Variants in MNAT1 observed in about 807,000 individuals in gnomAD.
MNAT1 encodes the protein CDK-activating kinase assembly factor MAT1.
MNAT1 carries 43 observed loss-of-function variants against 42.0 expected under a neutral mutation model. The ratio of observed to expected loss-of-function variants is 1.02; its 90% CI spans 0.80 to 1.32. The LOEUF is 1.32. MNAT1 is among the 40% of genes most tolerant of loss of function. The pLI is 0.00. For missense variants in MNAT1, 306 were observed against 350.4 expected (o/e 0.87, Z 1.01); for synonymous variants, 118 against 120.0 (o/e 0.98, Z 0.11).
chr14:60,764,587 G>A (rs980645121), intron 1 of MNAT1, among the ~76,000 whole-genome samples: 1 of 152,286 alleles, frequency 6.6e-6, no homozygotes, highest in Admixed American at 6.5e-5. Flanking sequence ...GATTTAGATG[G>A]TAAATTGAGA....
intron 7 of MNAT1, among the ~76,000 whole-genome samples, chr14:60,899,654 A>G (rs1038328238): frequency 1.3e-5 from 2 of 152,214 alleles, no homozygotes; most frequent in Admixed American, 6.5e-5. Context: ...CTTGCTGAGC[A>G]AAAGTAATTG....
intron 6 of MNAT1, among the ~76,000 whole-genome samples, chr14:60,859,168 G>A (rs1594809361): frequency 6.6e-6 from 1 of 152,200 alleles, no homozygotes; most frequent in South Asian, 2.1e-4. Flanking sequence ...TGTCATTCAT[G>A]TAAGGTGTAT....
intron 1 of MNAT1, among the ~76,000 whole-genome samples, chr14:60,751,177 G>A (rs1297230606): frequency 6.6e-6 from 1 of 151,644 alleles, no homozygotes; most frequent in African/African-American, 2.4e-5. Flanking sequence ...GACAGCTCCA[G>A]TCTCTTTTTT....
chr14:60,855,755 C>G lies in MNAT1; in HGVS notation c.688-23959C>G, dbSNP rs546884312. On this transcript the variant is annotated intron_variant, in intron 6 of 7. Transcript: ENST00000261245. The stretch of plus-strand genomic sequence containing the variant: ...ACTGTAGCTGTTCCTGTTCAGCCAT[C>G]TTGGCCCCTCCCCCCAACTTTTTTA... 2.0e-5 allele frequency among the ~76,000 whole-genome samples: 3 copies of G among 152,320 alleles called. No homozygotes were observed. The South Asian group carries it at 6.2e-4, about 32-fold the overall frequency.
intron 7 of MNAT1, among the ~76,000 whole-genome samples, chr14:60,947,443 G>C (rs1281549216): frequency 6.6e-6 from 1 of 152,128 alleles, no homozygotes. Context: ...AGCACTTTGG[G>C]AGGCCGAGGC....
chr14:60,824,169 A>T (rs1321310445), intron 6 of MNAT1, among the ~76,000 whole-genome samples: 1 of 152,184 alleles, frequency 6.6e-6, no homozygotes. Context: ...AAAAAAAATA[A>T]TAAATCACCA....
intron 7 of MNAT1, among the ~76,000 whole-genome samples, chr14:60,883,285 T>G (rs1195559821): frequency 3.3e-5 from 5 of 152,198 alleles, no homozygotes; most frequent in African/African-American, 1.2e-4. Flanking sequence ...AGTTTCATTC[T>G]TATGCATATG....
intron 7 of MNAT1, among the ~76,000 whole-genome samples, chr14:60,898,665 T>G (rs1231351830): frequency 2.6e-5 from 4 of 152,178 alleles, no homozygotes; most frequent in Non-Finnish European, 5.9e-5. Flanking sequence ...TAGGTCCTTG[T>G]AAGATGAATA....
At chr14:60,739,471 G>A (rs867181287) in intron 1 of MNAT1, among the ~76,000 whole-genome samples, 1 of 151,000 alleles carries the variant, frequency 6.6e-6, no homozygotes, top group Middle Eastern at 3.4e-3. Flanking sequence ...CTTCATAAAA[G>A]AGGAACTATA....
intron 7 of MNAT1, among the ~76,000 whole-genome samples, chr14:60,916,514 G>C (rs540247874): frequency 6.6e-6 from 1 of 152,134 alleles, no homozygotes; most frequent in Non-Finnish European, 1.5e-5. Flanking sequence ...AATTAGCCAG[G>C]GATGGTGGCA....
At chr14:60,808,931 AT>A (rs1254559213) in intron 4 of MNAT1, 5 of 152,198 alleles carry the variant, frequency 3.3e-5, no homozygotes, top group African/African-American at 1.2e-4. Context: ...TGGTTTCTCA[AT>A]TAGTTACCTT....
chr14:60,957,843 G>A (rs1161357700), intron 7 of MNAT1, among the ~76,000 whole-genome samples: 1 of 147,714 alleles, frequency 6.8e-6, no homozygotes, highest in Non-Finnish European at 1.5e-5. Flanking sequence ...ATACTTTGAT[G>A]TTTTTTTTTT....
At chr14:60,944,796 T>C (rs1048675475) in intron 7 of MNAT1, among the ~76,000 whole-genome samples, 4 of 152,204 alleles carry the variant, frequency 2.6e-5, no homozygotes, top group African/African-American at 9.6e-5. Context: ...GAACTCATAA[T>C]TTTCTAGGAG....
chr14:60,823,126 G>T (rs1257637803), intron 6 of MNAT1, among the ~76,000 whole-genome samples: 1 of 152,098 alleles, frequency 6.6e-6, no homozygotes, highest in Admixed American at 6.6e-5. Flanking sequence ...CCTCTACTCT[G>T]CCTTTTAAAG....
intron 6 of MNAT1, among the ~76,000 whole-genome samples, chr14:60,839,541 C>G (rs2033487183): frequency 6.6e-6 from 1 of 152,200 alleles, no homozygotes; most frequent in East Asian, 1.9e-4. Flanking sequence ...AGCTGTAACA[C>G]AAACAGGACT....
intron 7 of MNAT1, among the ~76,000 whole-genome samples, chr14:60,882,078 T>C (rs2034563102): frequency 6.6e-6 from 1 of 152,152 alleles, no homozygotes; most frequent in Non-Finnish European, 1.5e-5. Flanking sequence ...GGAGAATCAC[T>C]TGAACCTGGG....
At chr14:60,869,823 T>C (rs1239897639) in intron 6 of MNAT1, among the ~76,000 whole-genome samples, 1 of 152,200 alleles carries the variant, frequency 6.6e-6, no homozygotes, top group Non-Finnish European at 1.5e-5. Context: ...ATGTATTTTC[T>C]TTAATAGTGT....
At chr14:60,875,964 T>C (rs1257162155) in intron 6 of MNAT1, among the ~76,000 whole-genome samples, 3 of 152,028 alleles carry the variant, frequency 2.0e-5, no homozygotes, top group Non-Finnish European at 4.4e-5. Flanking sequence ...ACTTCTTTAA[T>C]TGTCACAGTA....
chr14:60,803,679 A>AAACACCCTTCC (rs1267131924), intron 3 of MNAT1, among the ~76,000 whole-genome samples: 3 of 152,206 alleles, frequency 2.0e-5, no homozygotes, highest in Non-Finnish European at 4.4e-5. Flanking sequence ...GGTGCTGTTG[A>AAACACCCTTCC]AGATAAACGT....
Sources: gnomAD v4.1 joint callset for allele counts (sites outside exome capture counted in the v4.1 genomes callset) on GRCh38, gnomAD v4.1.1 for gene constraint, MANE v1.5 for transcripts, NCBI Gene and HGNC (gene_info 2026-07-23, HGNC 2026-07-21) for gene names.